Variants in ROBO1 observed in about 807,000 individuals in gnomAD.
ROBO1 encodes the protein roundabout guidance receptor 1.
In ROBO1, 149 loss-of-function variants were observed where a neutral mutation model predicts 195.9. The observed-to-expected ratio is 0.76, with a 90% CI of 0.67 to 0.87. ROBO1 has a LOEUF of 0.87. Among genes scored for constraint, ROBO1 ranks in the 40% least tolerant of loss-of-function variants. The probability of loss-of-function intolerance (pLI) is 0.00; values close to 1 mark genes in which losing one functional copy is unlikely to be tolerated. For missense variants in ROBO1, 1,933 were observed against 2,068.3 expected (o/e 0.93, Z 1.27); for synonymous variants, 816 against 733.2 (o/e 1.11, Z -1.82).
intron 1 of ROBO1, among the ~76,000 whole-genome samples, chr3:79,673,606 G>C (rs927198891): frequency 3.9e-5 from 6 of 151,912 alleles, no homozygotes; most frequent in Non-Finnish European, 7.4e-5. Flanking sequence ...TTGAGAAAAA[G>C]GGTTGAAAGG....
At chr3:79,671,026 T>C (rs1946616806) in intron 1 of ROBO1, among the ~76,000 whole-genome samples, 1 of 151,716 alleles carries the variant, frequency 6.6e-6, no homozygotes, top group African/African-American at 2.4e-5. Context: ...GGTAAATACA[T>C]TGTGAGAAAG....
At chr3:79,466,113 C>G (rs546145025) in intron 2 of ROBO1, among the ~76,000 whole-genome samples, 1 of 151,494 alleles carries the variant, frequency 6.6e-6, no homozygotes, top group Non-Finnish European at 1.5e-5. Context: ...TTTATTTTCT[C>G]TGTGACCAAA....
At chr3:79,760,236 C>CAAAAAA (rs11451206) in intron 1 of ROBO1, among the ~76,000 whole-genome samples, 145 of 4,524 alleles carry the variant, frequency 0.032, 53 homozygotes, top group Non-Finnish European at 0.051. Context: ...GACCCTATCT[C>CAAAAAA]AAAAAAAAAA....
At chr3:78,718,787 G>C (rs2081964725) in intron 5 of ROBO1, among the ~76,000 whole-genome samples, 1 of 37,216 alleles carries the variant, frequency 2.7e-5, no homozygotes, top group Non-Finnish European at 7.8e-5. Context: ...AAGGAAGAAG[G>C]AAGGAAGGAA....
At chr3:79,367,857 G>A (rs970729974) in intron 2 of ROBO1, among the ~76,000 whole-genome samples, 9 of 152,278 alleles carry the variant, frequency 5.9e-5, no homozygotes, top group South Asian at 2.1e-4. Flanking sequence ...TACAGGGATC[G>A]TGCTTGTTTT....
intron 1 of ROBO1, among the ~76,000 whole-genome samples, chr3:79,635,304 A>G (rs926997896): frequency 1.3e-5 from 2 of 152,214 alleles, no homozygotes; most frequent in Non-Finnish European, 2.9e-5. Flanking sequence ...ACAAATCTGG[A>G]AAGAAGCAAA....
chr3:78,819,430 C>T (rs1420825845), intron 4 of ROBO1, among the ~76,000 whole-genome samples: 2 of 144,198 alleles, frequency 1.4e-5, no homozygotes, highest in Non-Finnish European at 1.5e-5. Flanking sequence ...ATATGGAATA[C>T]GTGTCCATAT....
At chr3:79,437,226 T>A (rs899267818) in intron 2 of ROBO1, among the ~76,000 whole-genome samples, 1 of 151,982 alleles carries the variant, frequency 6.6e-6, no homozygotes, top group Non-Finnish European at 1.5e-5. Context: ...CAAGATCCAA[T>A]GAAAGACTGA....
intron 2 of ROBO1, among the ~76,000 whole-genome samples, chr3:79,528,109 C>T (rs1397661868): frequency 2.0e-5 from 3 of 151,808 alleles, no homozygotes; most frequent in African/African-American, 7.3e-5. Flanking sequence ...CATATGAATA[C>T]ACGTCCAATT....
At chr3:79,469,410 A>C (rs529463450) in intron 2 of ROBO1, among the ~76,000 whole-genome samples, 1 of 152,282 alleles carries the variant, frequency 6.6e-6, no homozygotes. Context: ...AAAGCAAAAC[A>C]CCAAACAAAA....
chr3:78,899,815 A>G (rs1433391259), intron 4 of ROBO1, among the ~76,000 whole-genome samples: 2 of 152,178 alleles, frequency 1.3e-5, no homozygotes, highest in African/African-American at 2.4e-5. Flanking sequence ...AAAACAACAC[A>G]TCCTGTCAAA....
At chr3:78,674,147 G>T (rs1241366853) in intron 10 of ROBO1, among the ~76,000 whole-genome samples, 2 of 152,054 alleles carry the variant, frequency 1.3e-5, no homozygotes, top group East Asian at 3.9e-4. Flanking sequence ...CTTACCTTCT[G>T]ATATTATAGT....
In ROBO1 at chr3:78,664,063, C is replaced by A. The variant is rs1329473050; in HGVS notation, c.1967-1949G>T. 2.6e-5 allele frequency among the ~76,000 whole-genome samples: 4 copies of A among 152,118 alleles called. No homozygotes were observed. The East Asian group carries it at 7.7e-4, about 29-fold the overall frequency. On this transcript the variant is annotated intron_variant, in intron 14 of 30. Transcript: ENST00000464233. The stretch of plus-strand genomic sequence containing the variant: ...TAGTACCCATGACAGCAACAGCAGT[C>A]TATAACATTATAATAGAAATGTTCA...
intron 1 of ROBO1, among the ~76,000 whole-genome samples, chr3:79,605,441 T>C (rs1158533546): frequency 6.6e-6 from 1 of 151,946 alleles, no homozygotes; most frequent in Non-Finnish European, 1.5e-5. Context: ...ATATGTGACA[T>C]CTTCATTCTC....
intron 3 of ROBO1, among the ~76,000 whole-genome samples, chr3:79,096,177 A>C (rs1448626977): frequency 2.6e-5 from 4 of 151,924 alleles, no homozygotes; most frequent in Non-Finnish European, 5.9e-5. Flanking sequence ...GTTAATTTAC[A>C]CTCAAGCAGC....
intron 3 of ROBO1, among the ~76,000 whole-genome samples, chr3:79,095,879 C>T (rs1393080795): frequency 6.6e-6 from 1 of 151,912 alleles, no homozygotes; most frequent in Non-Finnish European, 1.5e-5. Context: ...AGATGTGCCT[C>T]ATTTTTTTAA....
At chr3:78,825,489 T>C (rs552880720) in intron 4 of ROBO1, among the ~76,000 whole-genome samples, 53 of 152,286 alleles carry the variant, frequency 3.5e-4, no homozygotes, top group Admixed American at 6.5e-4. Context: ...GCCAAGTGTG[T>C]CTTCAAAGAG....
intron 3 of ROBO1, among the ~76,000 whole-genome samples, chr3:79,049,957 C>G (rs531205026): frequency 6.6e-6 from 1 of 152,144 alleles, no homozygotes; most frequent in African/African-American, 2.4e-5. Context: ...ATTGTCAAGA[C>G]CATTGACGCT....
intron 1 of ROBO1, among the ~76,000 whole-genome samples, chr3:79,685,599 T>A (rs1250344661): frequency 6.6e-6 from 1 of 152,136 alleles, no homozygotes; most frequent in Non-Finnish European, 1.5e-5. Flanking sequence ...GGGCAGTTAA[T>A]GAAAGTTCTC....
Sources: gnomAD v4.1 joint callset for allele counts (sites outside exome capture counted in the v4.1 genomes callset) on GRCh38, gnomAD v4.1.1 for gene constraint, MANE v1.5 for transcripts, NCBI Gene and HGNC (gene_info 2026-07-23, HGNC 2026-07-21) for gene names.